The following KDM6A variants were observed in gnomAD, a reference collection of about 807,000 sequenced individuals.
KDM6A encodes the protein lysine demethylase 6A, also known as lysine-specific demethylase 6A.
Under a neutral mutation model 117.6 loss-of-function variants are expected in KDM6A, and 11 were observed. The observed-to-expected ratio is 0.09, with a 90% CI of 0.06 to 0.15. The LOEUF (loss-of-function observed/expected upper bound fraction) is 0.15. KDM6A is among the 10% of genes least tolerant of loss of function. The probability of loss-of-function intolerance (pLI) is 1.00; values close to 1 mark genes in which losing one functional copy is unlikely to be tolerated. For synonymous variants in KDM6A, 384 were observed against 396.1 expected, an observed-to-expected ratio of 0.97 and a Z score of 0.36; for missense variants, 799 against 1,077.3, an observed-to-expected ratio of 0.74 and a Z score of 3.62.
chrX:44,988,845 A>C (rs1190108418), intron 4 of KDM6A, among the ~76,000 whole-genome samples: 1 of 110,342 alleles, frequency 9.1e-6, no homozygotes, highest in Non-Finnish European at 1.9e-5. Flanking sequence ...CAGTTAGGCT[A>C]CTCGGGGGTC....
intron 4 of KDM6A, among the ~76,000 whole-genome samples, chrX:44,977,725 T>C (rs2039682896): frequency 8.9e-6 from 1 of 112,255 alleles, no homozygotes; most frequent in Admixed American, 9.4e-5. Flanking sequence ...AAGAACCTTT[T>C]TGTCAGCAGA....
At chrX:44,939,409 T>A (rs1157742757) in intron 2 of KDM6A, among the ~76,000 whole-genome samples, 2 of 112,013 alleles carry the variant, frequency 1.8e-5, no homozygotes, top group Non-Finnish European at 3.8e-5. Flanking sequence ...AAATTAGAAG[T>A]GAAGCCTGAA....
intron 4 of KDM6A, among the ~76,000 whole-genome samples, chrX:44,995,640 T>A (rs2040829497): frequency 9.1e-6 from 1 of 110,123 alleles, no homozygotes; most frequent in Non-Finnish European, 1.9e-5. Flanking sequence ...AATTTTGTAT[T>A]TATTTTTTAA....
rs759499587 is a variant in KDM6A, at chrX:45,079,369, A to G, written c.3300+18A>G. 2 of 1,113,087 alleles carry G rather than the reference A, an allele frequency of 1.8e-6. No homozygotes were observed. Among genetic ancestry groups the G allele is most frequent in the East Asian group, 6.0e-5 (2 of 33,269 alleles). The allele number at this position is 1,113,087 out of a possible 1,213,427, so 91.7% of individuals were successfully genotyped here. ...CATTGAGAGTAAGTATTTGTATCCT[A>G]AAGATTATTTTAGGATTTTAAAGAT... is the stretch of plus-strand genomic sequence containing the variant. On this transcript the variant is annotated intron_variant, in intron 21 of 29. Coordinates refer to ENST00000611820, the MANE Select transcript of KDM6A (RefSeq NM_001291415.2).
At chrX:44,970,288 C>G (rs750125452) in intron 3 of KDM6A, among the ~76,000 whole-genome samples, 11 of 112,052 alleles carry the variant, frequency 9.8e-5, no homozygotes, top group African/African-American at 3.2e-4. Flanking sequence ...AACTTTGTGA[C>G]TTTGAATTTG....
At chrX:44,975,585 A>G (rs1245443255) in intron 4 of KDM6A, among the ~76,000 whole-genome samples, 1 of 111,741 alleles carries the variant, frequency 8.9e-6, no homozygotes, top group Non-Finnish European at 1.9e-5. Context: ...CATGCTATAA[A>G]ATTATAGCTT....
chrX:45,030,100 G>A (rs917609802), intron 6 of KDM6A, among the ~76,000 whole-genome samples: 19 of 110,881 alleles, frequency 1.7e-4, no homozygotes, highest in African/African-American at 5.9e-4. Flanking sequence ...AGGGGATAAA[G>A]AAAGTAGCAG....
chrX:44,915,760 T>C (rs2035512038), intron 2 of KDM6A, among the ~76,000 whole-genome samples: 1 of 111,618 alleles, frequency 9.0e-6, no homozygotes, highest in Admixed American at 9.6e-5. Flanking sequence ...GTCTGAGTTA[T>C]CAGATTGACC....
intron 2 of KDM6A, among the ~76,000 whole-genome samples, chrX:44,877,702 TAC>T (rs1193754908): frequency 9.0e-6 from 1 of 110,730 alleles, no homozygotes; most frequent in East Asian, 2.8e-4. Context: ...ATTGCTAAAA[TAC>T]ACAGTTTTGA....
rs750170926 is a variant in KDM6A at position 44,944,855 on chromosome X, T to C, written c.226-16429T>C. Among the ~76,000 whole-genome samples the C allele has an allele frequency of 5.4e-5, 6 of 111,801 alleles. No homozygotes were observed. In the South Asian group the frequency reaches 1.8e-3, roughly 34 times the overall value. On this transcript the variant is annotated intron_variant, in intron 2 of 29. Coordinates refer to ENST00000611820, the MANE Select transcript of KDM6A (RefSeq NM_001291415.2). Reference sequence around the variant, plus strand: ...GGTCAGTTGTGTTTTAAGGAGACTTTCAAAATTGAGAAAAATGTCTTATAA... The same window carrying C: ...GGTCAGTTGTGTTTTAAGGAGACTTCCAAAATTGAGAAAAATGTCTTATAA...
intron 3 of KDM6A, among the ~76,000 whole-genome samples, chrX:44,964,450 G>GA (rs565164399): frequency 0.12 from 6,606 of 54,170 alleles, 962 homozygotes; most frequent in African/African-American, 0.34. Context: ...CTCTGTCTCA[G>GA]AAAAAAAAAA....
At position 45,037,691 on chromosome X, in the gene KDM6A, T is replaced by C; in HGVS notation, c.654+2T>C. 1 of 1,184,514 alleles carries C rather than the reference T, an allele frequency of 8.4e-7. No homozygotes were observed. The highest frequency in any genetic ancestry group is 1.1e-6 in the Non-Finnish European group (1 of 871,845). ...ATTGCCCACTTATATGAAACCCAGG[T>C]AAGTATTTTAACTTATTCTATTTAA... On this transcript the variant is annotated splice_donor_variant, in intron 8 of 29. Coordinates refer to ENST00000611820, the MANE Select transcript of KDM6A (RefSeq NM_001291415.2). LOFTEE classifies it high-confidence loss of function.
intron 2 of KDM6A, among the ~76,000 whole-genome samples, chrX:44,880,452 C>CT (rs750171607): frequency 0.095 from 8,709 of 91,932 alleles, 533 homozygotes; most frequent in African/African-American, 0.2. Context: ...TTCTGTACTG[C>CT]TTTTTTTTTT....
At chrX:44,883,407 C>G (rs780963689) in intron 2 of KDM6A, among the ~76,000 whole-genome samples, 1 of 109,424 alleles carries the variant, frequency 9.1e-6, no homozygotes, top group East Asian at 2.9e-4. Context: ...GAGTCTCGCT[C>G]TGTCGTCCAG....
At chrX:45,055,711 G>A (rs1340065547) in intron 10 of KDM6A, among the ~76,000 whole-genome samples, 1 of 111,745 alleles carries the variant, frequency 8.9e-6, no homozygotes, top group Non-Finnish European at 1.9e-5. Context: ...TATAGTGACT[G>A]TAAAGGAGGT....
intron 4 of KDM6A, among the ~76,000 whole-genome samples, chrX:44,982,891 A>T (rs779185316): frequency 8.9e-6 from 1 of 111,837 alleles, no homozygotes; most frequent in Admixed American, 9.5e-5. Context: ...TCTAATTCAG[A>T]TTTGTTTTTT....
intron 2 of KDM6A, among the ~76,000 whole-genome samples, chrX:44,948,694 A>T (rs2037808791): frequency 8.9e-6 from 1 of 112,381 alleles, no homozygotes; most frequent in South Asian, 3.6e-4. Context: ...ATTCTGTAAC[A>T]TTATATATAG....
chrX:45,086,193 G>C (rs185630118), intron 25 of KDM6A: 35 of 356,174 alleles, frequency 9.8e-5, no homozygotes, highest in Admixed American at 2.4e-4. Context: ...TCATGCAGTA[G>C]TAGTACCCAT....
chrX:45,083,381 A>G (rs2148149443), intron 23 of KDM6A, 79 bp from the exon 24 acceptor site: 1 of 955,939 alleles, frequency 1.0e-6, no homozygotes, highest in Non-Finnish European at 1.5e-6. Context: ...TGATTGGAAC[A>G]CAAGGGTTTT....
Sources: gnomAD v4.1 joint callset for allele counts (sites outside exome capture counted in the v4.1 genomes callset) on GRCh38, gnomAD v4.1.1 for gene constraint, MANE v1.5 for transcripts, NCBI Gene and HGNC (gene_info 2026-07-23, HGNC 2026-07-21) for gene names.